Variants in L3MBTL4 observed in about 807,000 individuals in gnomAD.
L3MBTL4 encodes L3MBTL histone methyl-lysine binding protein 4, also known as lethal(3)malignant brain tumor-like protein 4.
A neutral mutation model predicts 84.5 loss-of-function variants in L3MBTL4; 70 were observed. That is an observed-to-expected ratio of 0.83 (90% CI 0.68 to 1.01). The LOEUF is 1.01. L3MBTL4 is among the 50% of genes least tolerant of loss of function. L3MBTL4 has a pLI of 0.00. For synonymous variants in L3MBTL4, 274 were observed against 259.8 expected (o/e 1.05, Z -0.52); for missense variants, 715 against 754.8 (o/e 0.95, Z 0.62).
chr18:6,060,527 T>C (rs2057177972), intron 16 of L3MBTL4, among the ~76,000 whole-genome samples: 1 of 152,066 alleles, frequency 6.6e-6, no homozygotes, highest in Admixed American at 6.6e-5. Context: ...TCCCCTATTA[T>C]TATCTTACAT....
intron 16 of L3MBTL4, among the ~76,000 whole-genome samples, chr18:5,979,608 T>C (rs1182859805): frequency 1.3e-5 from 2 of 152,204 alleles, no homozygotes; most frequent in Non-Finnish European, 2.9e-5. Flanking sequence ...GTGCTGATCC[T>C]AGAGCCTACC....
chr18:6,385,419 A>G (rs920353107), intron 1 of L3MBTL4, among the ~76,000 whole-genome samples: 1 of 152,166 alleles, frequency 6.6e-6, no homozygotes, highest in Non-Finnish European at 1.5e-5. Flanking sequence ...AATAAATAAT[A>G]CATTAAAATT....
In L3MBTL4 at chr18:6,305,114, G is replaced by A. The variant is rs774199133; in HGVS notation, c.73-3157C>T. 3.3e-5 allele frequency among the ~76,000 whole-genome samples: 5 copies of A among 152,254 alleles called. No homozygotes were observed. In the East Asian group the frequency reaches 5.8e-4, roughly 18 times the overall value. Reference sequence around the variant, plus strand: ...CAGGTAAACATACACATATACACACGAAAGATTATATTGTGTATATCAGAA... The same window carrying A: ...CAGGTAAACATACACATATACACACAAAAGATTATATTGTGTATATCAGAA... On this transcript the variant is annotated intron_variant, in intron 3 of 18. Coordinates refer to ENST00000317931, the MANE Select transcript of L3MBTL4 (RefSeq NM_001330559.2).
intron 12 of L3MBTL4, among the ~76,000 whole-genome samples, chr18:6,191,923 G>C (rs2045116174): frequency 6.6e-6 from 1 of 151,994 alleles, no homozygotes; most frequent in Non-Finnish European, 1.5e-5. Flanking sequence ...CCAGGAGTTT[G>C]GGGCTGCAGT....
intron 14 of L3MBTL4, among the ~76,000 whole-genome samples, chr18:6,107,137 A>T (rs1487020511): frequency 7.2e-5 from 11 of 152,350 alleles, no homozygotes; most frequent in Admixed American, 7.2e-4. Flanking sequence ...CATTAAATAA[A>T]TATAATATAA....
chr18:6,245,492 A>C (rs1340927604), intron 5 of L3MBTL4, among the ~76,000 whole-genome samples: 1 of 151,888 alleles, frequency 6.6e-6, no homozygotes, highest in Non-Finnish European at 1.5e-5. Context: ...TAAACTTATA[A>C]TTTTAAGGTA....
intron 1 of L3MBTL4, among the ~76,000 whole-genome samples, chr18:6,408,746 A>G (rs999482802): frequency 6.6e-5 from 10 of 151,274 alleles, no homozygotes; most frequent in South Asian, 2.1e-4. Flanking sequence ...CAGTTGTGCA[A>G]TCTCGGCTCA....
chr18:6,382,970 C>A (rs2054657926), intron 1 of L3MBTL4, among the ~76,000 whole-genome samples: 1 of 152,180 alleles, frequency 6.6e-6, no homozygotes, highest in Non-Finnish European at 1.5e-5. Context: ...ATCTGTAAGT[C>A]CCTGACTGGG....
intron 1 of L3MBTL4, among the ~76,000 whole-genome samples, chr18:6,412,873 C>T (rs2056026502): frequency 6.6e-6 from 1 of 151,568 alleles, no homozygotes; most frequent in East Asian, 1.9e-4. Flanking sequence ...TTAAAATATG[C>T]AAGCTTACTT....
chr18:6,160,490 G>T (rs2043284548), intron 13 of L3MBTL4, among the ~76,000 whole-genome samples: 1 of 152,204 alleles, frequency 6.6e-6, no homozygotes, highest in African/African-American at 2.4e-5. Context: ...CCAACACTTT[G>T]GGAGGCCAAG....
chr18:5,971,645 A>C (rs1003226143), intron 16 of L3MBTL4, among the ~76,000 whole-genome samples: 50 of 152,236 alleles, frequency 3.3e-4, no homozygotes, highest in African/African-American at 1.2e-3. Context: ...AAAGACACAC[A>C]AAAACCGGAA....
chr18:6,234,644 G>A (rs1599268222), intron 10 of L3MBTL4, among the ~76,000 whole-genome samples: 1 of 152,058 alleles, frequency 6.6e-6, no homozygotes, highest in Non-Finnish European at 1.5e-5. Flanking sequence ...TTAGAATGGC[G>A]ATCATTAAAA....
At chr18:6,412,033 T>G (rs1298064434) in intron 1 of L3MBTL4, among the ~76,000 whole-genome samples, 2 of 152,216 alleles carry the variant, frequency 1.3e-5, no homozygotes, top group Non-Finnish European at 2.9e-5. Context: ...GTGTGCAGGT[T>G]GGTTACATAG....
intron 16 of L3MBTL4, among the ~76,000 whole-genome samples, chr18:5,984,319 T>C (rs1430217768): frequency 6.6e-6 from 1 of 152,264 alleles, no homozygotes; most frequent in Non-Finnish European, 1.5e-5. Flanking sequence ...TGAAGTATGA[T>C]AGTATTGCTG....
At chr18:6,030,328 C>G (rs910700017) in intron 16 of L3MBTL4, 1 of 984,604 alleles carries the variant, frequency 1.0e-6, no homozygotes, top group Non-Finnish European at 1.2e-6. Context: ...TCTCAAAATT[C>G]TGGGTGATAG....
At chr18:6,289,236 T>C (rs181711007) in intron 4 of L3MBTL4, among the ~76,000 whole-genome samples, 3 of 152,228 alleles carry the variant, frequency 2.0e-5, no homozygotes, top group Admixed American at 6.5e-5. Context: ...TTTAAAGAGA[T>C]TGGGAAAAAT....
At chr18:6,075,909 C>G (rs915571909) in intron 16 of L3MBTL4, among the ~76,000 whole-genome samples, 1 of 152,128 alleles carries the variant, frequency 6.6e-6, no homozygotes, top group Non-Finnish European at 1.5e-5. Context: ...CATTAGGCCT[C>G]AGAAGGAAAC....
intron 14 of L3MBTL4, among the ~76,000 whole-genome samples, chr18:6,111,768 A>C (rs2059202863): frequency 6.6e-6 from 1 of 152,220 alleles, no homozygotes; most frequent in Admixed American, 6.5e-5. Flanking sequence ...TGATGTCTTC[A>C]AATATGGATA....
intron 10 of L3MBTL4, among the ~76,000 whole-genome samples, chr18:6,216,678 T>G (rs1405702255): frequency 2.0e-5 from 3 of 152,186 alleles, no homozygotes; most frequent in African/African-American, 7.2e-5. Flanking sequence ...AATTCAGGTT[T>G]AGACAGCTGG....
Sources: gnomAD v4.1 joint callset for allele counts (sites outside exome capture counted in the v4.1 genomes callset) on GRCh38, gnomAD v4.1.1 for gene constraint, MANE v1.5 for transcripts, NCBI Gene and HGNC (gene_info 2026-07-23, HGNC 2026-07-21) for gene names.